The following CMC2 variants were observed in gnomAD, a reference collection of about 807,000 sequenced individuals.
CMC2 encodes the protein C-X9-C motif containing 2, also known as COX assembly mitochondrial protein 2 homolog.
Under a neutral mutation model 7.5 loss-of-function variants are expected in CMC2, and 5 were observed. That is an observed-to-expected ratio of 0.66 (90% CI 0.35 to 1.40). The LOEUF (loss-of-function observed/expected upper bound fraction) is 1.40, where lower values mean the gene tolerates loss of function less well. Ranked by LOEUF, CMC2 falls within the 40% of genes most tolerant of loss-of-function variation. The pLI is 0.04. For synonymous variants in CMC2, 37 were observed against 31.4 expected, an observed-to-expected ratio of 1.18 and a Z score of -0.60; for missense variants, 115 against 92.3, an observed-to-expected ratio of 1.25 and a Z score of -1.01.
chr16:80,979,919 G>C (rs1333194650), intron 3 of CMC2, among the ~76,000 whole-genome samples: 2 of 151,892 alleles, frequency 1.3e-5, no homozygotes, highest in Admixed American at 1.3e-4. Flanking sequence ...ACCACACCCG[G>C]CCAATATTAT....
chr16:80,997,810 T>A (rs572500230), intron 1 of CMC2: 1 of 155,722 alleles, frequency 6.4e-6, no homozygotes, highest in East Asian at 1.9e-4. Context: ...ATTAAGAGAA[T>A]TGGCTTATTA....
chr16:80,984,657 G>T (rs1418412409), intron 2 of CMC2, among the ~76,000 whole-genome samples: 1 of 151,852 alleles, frequency 6.6e-6, no homozygotes, highest in Non-Finnish European at 1.5e-5. Context: ...CTACTTCCTT[G>T]ACAACAAATA....
At chr16:80,987,241 TG>T (rs1567516652) in intron 2 of CMC2, among the ~76,000 whole-genome samples, 1 of 152,164 alleles carries the variant, frequency 6.6e-6, no homozygotes, top group East Asian at 1.9e-4. Context: ...AGGAATCTTA[TG>T]TATTTATTTT....
At position 80,971,859 on chromosome 16, in the gene CMC2, A is replaced by G. The variant is rs1187958367; in HGVS notation, c.*4234T>C. ...TGTCATAAAAAAGAATAGCATTAATACCACAAAAAAGGTCCTTTACAGGAT... is the reference window on the plus strand; with the variant it reads ...TGTCATAAAAAAGAATAGCATTAATGCCACAAAAAAGGTCCTTTACAGGAT... On this transcript the variant is annotated 3_prime_UTR_variant, in exon 4 of 4. Transcript: ENST00000219400. 6.6e-6 allele frequency: 1 copy of G among 152,152 alleles called. No homozygotes were observed. 9.4% of individuals were successfully genotyped at this position (152,152 alleles called of 1,614,324 possible).
In CMC2 at chr16:80,966,650, A is replaced by T. The variant is rs1911573814; in HGVS notation, c.*9443T>A. 1 of 152,184 alleles carries T rather than the reference A, an allele frequency of 6.6e-6. No individual in the cohort carries two copies. The highest frequency in any genetic ancestry group is 2.1e-4 in the South Asian group (1 of 4,826). The allele number at this position is 152,184 out of a possible 1,614,324, so 9.4% of individuals were successfully genotyped here. On this transcript the variant is annotated 3_prime_UTR_variant, in exon 4 of 4. Transcript: ENST00000219400. ...TTTTGCAGTTCTCCTTATCTTCAGG[A>T]TGTATCACCTTCTGGAGATGTAAAG...
At chr16:81,000,288 G>A (rs1309728708) in intron 1 of CMC2, among the ~76,000 whole-genome samples, 1 of 152,130 alleles carries the variant, frequency 6.6e-6, no homozygotes, top group Non-Finnish European at 1.5e-5. Flanking sequence ...ACAAGGTCAG[G>A]AGTTCGAGAC....
chr16:80,997,367 G>C lies in CMC2; in HGVS notation c.28C>G (p.His10Asp), dbSNP rs200525520. 24 of 1,583,292 alleles carry C rather than the reference G, an allele frequency of 1.5e-5. No homozygotes were observed. The highest frequency in any genetic ancestry group is 2.0e-5 in the Non-Finnish European group (23 of 1,160,192). ...ATCAAGACGTTGCATTCTTCAGTGT[G>C]CAAGTGTGGAGATAAGTCAGGATGC... is the stretch of plus-strand genomic sequence containing the variant. Reference protein sequence around the residue: MHPDLSPHLHTEECNVLINL... With the variant: MHPDLSPHLDTEECNVLINL... The change falls in exon 2 of 4, where the codon CAC (histidine) becomes GAC (aspartate). Residue 10 changes from histidine to aspartate, a missense_variant. Coordinates refer to ENST00000219400, the MANE Select transcript of CMC2 (RefSeq NM_020188.5).
chr16:81,001,751 C>G (rs185006902), intron 1 of CMC2, among the ~76,000 whole-genome samples: 1 of 152,156 alleles, frequency 6.6e-6, no homozygotes, highest in African/African-American at 2.4e-5. Flanking sequence ...ACTGTCTGAA[C>G]AAATAATTCC....
At position 80,969,647 on chromosome 16, in the gene CMC2, G is replaced by C. The variant is rs1268343314; in HGVS notation, c.*6446C>G. 6.6e-6 allele frequency: 1 copy of C among 152,502 alleles called. No individual in the cohort carries two copies. Among genetic ancestry groups the C allele is most frequent in the Non-Finnish European group, 1.5e-5 (1 of 68,280 alleles). The allele number at this position is 152,502 out of a possible 1,614,324, so 9.4% of individuals were successfully genotyped here. On this transcript the variant is annotated 3_prime_UTR_variant, in exon 4 of 4. Transcript: ENST00000219400. The stretch of plus-strand genomic sequence containing the variant: ...TCAGGCCTGTAATCCCAGCACTTCA[G>C]GAGGCCGAGGCAGGTGGATCACTTG...
chr16:80,989,714 C>A (rs981109886), intron 2 of CMC2, among the ~76,000 whole-genome samples: 6 of 152,188 alleles, frequency 3.9e-5, no homozygotes, highest in Admixed American at 3.9e-4. Context: ...TATTCTACAT[C>A]TTATATATAT....
In CMC2 at chr16:80,970,292, C is replaced by T. The variant is rs368898204; in HGVS notation, c.*5801G>A. ...AAGTCAATTCCAAATCCAAATCTCA[C>T]CGATTAATGGACATTAATTCCTATC... On this transcript the variant is annotated 3_prime_UTR_variant, in exon 4 of 4. Coordinates refer to ENST00000219400, the MANE Select transcript of CMC2 (RefSeq NM_020188.5). 21 of 152,260 alleles carry T rather than the reference C, an allele frequency of 1.4e-4. No individual in the cohort carries two copies. The highest frequency in any genetic ancestry group is 5.1e-4 in the African/African-American group (21 of 41,542). The allele number at this position is 152,260 out of a possible 1,614,324, so 9.4% of individuals were successfully genotyped here. A position where few individuals can be genotyped will look rare whatever the true frequency, so the allele number is the denominator to read the frequency against.
chr16:80,987,427 T>A (rs1230286714), intron 2 of CMC2, among the ~76,000 whole-genome samples: 1 of 152,214 alleles, frequency 6.6e-6, no homozygotes, highest in Non-Finnish European at 1.5e-5. Context: ...TTTAACACTA[T>A]CTAAAATGAT....
rs146388982 is a variant in CMC2 at position 80,976,590 on chromosome 16, T to C, written c.154-411A>G. ...CCTCTAGTGGAGAGGCTCACTTCCT[T>C]GAGAGGTAGCCTGTCTAACTGTTGG... On this transcript the variant is annotated intron_variant, in intron 3 of 3. Coordinates refer to ENST00000219400, the MANE Select transcript of CMC2 (RefSeq NM_020188.5). Among the ~76,000 whole-genome samples the C allele has an allele frequency of 6.6e-5, 10 of 152,326 alleles. No individual in the cohort carries two copies. In the South Asian group the frequency reaches 1.2e-3, roughly 19 times the overall value.
chr16:81,006,452 C>G (rs559125772), intron 1 of CMC2: 51 of 153,496 alleles, frequency 3.3e-4, no homozygotes, highest in Admixed American at 2.8e-3. Flanking sequence ...GGAGCGCGCC[C>G]AAGGTCACCA....
At position 80,976,192 on chromosome 16, in the gene CMC2, A is replaced by C. The variant is rs377531723; in HGVS notation, c.154-13T>G. ...TGTTTTCTACGTACTGAAAAATAAA[A>C]GAAGGGGGGGAGAAAAGAAACAGCA... On this transcript the variant is annotated splice_polypyrimidine_tract_variant and intron_variant, in intron 3 of 3. Coordinates refer to ENST00000219400, the MANE Select transcript of CMC2 (RefSeq NM_020188.5). 8 of 1,454,424 alleles carry C rather than the reference A, an allele frequency of 5.5e-6. No individual in the cohort carries two copies. The highest frequency in any genetic ancestry group is 7.6e-6 in the Non-Finnish European group (8 of 1,049,332). The allele number at this position is 1,454,424 out of a possible 1,614,324, so 90.1% of individuals were successfully genotyped here.
At chr16:80,991,042 A>C (rs1326480464) in intron 2 of CMC2, among the ~76,000 whole-genome samples, 1 of 142,328 alleles carries the variant, frequency 7.0e-6, no homozygotes, top group African/African-American at 2.7e-5. Flanking sequence ...TTTTTTTTTT[A>C]ACAGCTGCAC....
chr16:81,006,127 A>G (rs1335131478), intron 1 of CMC2, among the ~76,000 whole-genome samples: 1 of 152,020 alleles, frequency 6.6e-6, no homozygotes, highest in Non-Finnish European at 1.5e-5. Flanking sequence ...TTTACTTAAG[A>G]CTCTACGTAA....
At position 81,006,880 on chromosome 16, in the gene CMC2, C is replaced by G; in HGVS notation, c.-182G>C. 1 of 986,202 alleles carries G rather than the reference C, an allele frequency of 1.0e-6. No individual in the cohort carries two copies. Among genetic ancestry groups the G allele is most frequent in the Non-Finnish European group, 1.2e-6 (1 of 830,552 alleles). The allele number at this position is 986,202 out of a possible 1,614,324, so 61.1% of individuals were successfully genotyped here. ...GCCCTCCACCGCTCCACCGTGCTCCCGGCTCCTCGCCCCCGCCGCCCGCGG... is the reference window on the plus strand; with the variant it reads ...GCCCTCCACCGCTCCACCGTGCTCCGGGCTCCTCGCCCCCGCCGCCCGCGG... On this transcript the variant is annotated 5_prime_UTR_variant, in exon 1 of 4. Transcript: ENST00000219400.
chr16:80,980,149 A>G (rs1026959209), intron 3 of CMC2, among the ~76,000 whole-genome samples: 1 of 150,988 alleles, frequency 6.6e-6, no homozygotes, highest in Non-Finnish European at 1.5e-5. Flanking sequence ...CAAAGCTTTC[A>G]CCTCAAAGGA....
Sources: gnomAD v4.1 joint callset for allele counts (sites outside exome capture counted in the v4.1 genomes callset) on GRCh38, gnomAD v4.1.1 for gene constraint, MANE v1.5 for transcripts, NCBI Gene and HGNC (gene_info 2026-07-23, HGNC 2026-07-21) for gene names.